The following NPAS3 variants were observed in gnomAD, a reference collection of about 807,000 sequenced individuals.
NPAS3 encodes the protein neuronal PAS domain-containing protein 3.
NPAS3 carries 14 observed loss-of-function variants against 73.1 expected under a neutral mutation model. The observed-to-expected ratio is 0.19, with a 90% CI of 0.13 to 0.30. NPAS3 has a LOEUF of 0.30. NPAS3 is among the 10% of genes least tolerant of loss of function. NPAS3 has a pLI of 1.00. For missense variants in NPAS3, 1,096 were observed against 1,250.0 expected, an observed-to-expected ratio of 0.88 and a Z score of 1.86; for synonymous variants, 620 against 541.5, an observed-to-expected ratio of 1.14 and a Z score of -2.01.
At chr14:33,669,906 G>T (rs531698562) in intron 5 of NPAS3, among the ~76,000 whole-genome samples, 12 of 151,934 alleles carry the variant, frequency 7.9e-5, no homozygotes, top group Non-Finnish European at 1.2e-4. Flanking sequence ...TTTTTTGGGG[G>T]TTTTTTGTTT....
At chr14:33,237,298 C>T (rs941814799) in intron 3 of NPAS3, among the ~76,000 whole-genome samples, 3 of 152,118 alleles carry the variant, frequency 2.0e-5, no homozygotes, top group African/African-American at 7.2e-5. Context: ...CTTTGTTAAA[C>T]AGCATTTCCT....
At chr14:33,037,880 A>T (rs1395902063) in intron 1 of NPAS3, among the ~76,000 whole-genome samples, 1 of 152,122 alleles carries the variant, frequency 6.6e-6, no homozygotes, top group East Asian at 1.9e-4. Context: ...AACTGATTGG[A>T]TTGATTACCC....
intron 3 of NPAS3, among the ~76,000 whole-genome samples, chr14:33,243,274 C>T (rs1348651030): frequency 6.6e-6 from 1 of 152,060 alleles, no homozygotes; most frequent in Non-Finnish European, 1.5e-5. Context: ...GAGAATAATG[C>T]AAACTGGGAT....
chr14:33,554,251 T>C (rs2055251509), intron 4 of NPAS3, among the ~76,000 whole-genome samples: 1 of 152,202 alleles, frequency 6.6e-6, no homozygotes, highest in Non-Finnish European at 1.5e-5. Context: ...TAATGTCTGA[T>C]ATGCATAGTG....
At position 33,586,209 on chromosome 14, in the gene NPAS3, A is replaced by C. The variant is rs149982107; in HGVS notation, c.558+25999A>C. Among the ~76,000 whole-genome samples the C allele has an allele frequency of 1.4e-3, 207 of 151,706 alleles. 4 individuals carry two copies. Among genetic ancestry groups the C allele is most frequent in the African/African-American group, 4.7e-3 (196 of 41,328 alleles). ...ATGTTCTATTTTAATAAAACCAAATAACAACAATCTTTACTTTCCAAGCAA... is the reference window on the plus strand; with the variant it reads ...ATGTTCTATTTTAATAAAACCAAATCACAACAATCTTTACTTTCCAAGCAA... On this transcript the variant is annotated intron_variant, in intron 5 of 11. Transcript: ENST00000356141.
chr14:33,691,944 CAA>C (rs1431387281), intron 6 of NPAS3, among the ~76,000 whole-genome samples: 1 of 152,166 alleles, frequency 6.6e-6, no homozygotes, highest in Non-Finnish European at 1.5e-5. Context: ...TGATAGGAAA[CAA>C]ATTCTATTCA....
intron 5 of NPAS3, among the ~76,000 whole-genome samples, chr14:33,646,209 A>G (rs549018639): frequency 1.5e-4 from 23 of 152,288 alleles, no homozygotes; most frequent in African/African-American, 5.5e-4. Flanking sequence ...GGAAGGAGGG[A>G]AGGGATGTGA....
In NPAS3 at chr14:33,713,450, C is replaced by T. The variant is rs558142308; in HGVS notation, c.734-21764C>T. 1.4e-4 allele frequency among the ~76,000 whole-genome samples: 22 copies of T among 152,338 alleles called. 1 individual carries two copies. The highest frequency in any genetic ancestry group is 1.4e-3 in the Admixed American group (22 of 15,310). On this transcript the variant is annotated intron_variant, in intron 6 of 11. Coordinates refer to ENST00000356141, the Ensembl canonical transcript of NPAS3. ...CTCCTTTTAAGTTTAAGCAAAACTT[C>T]TCCCAGAAGCCCCATCTGGCAGACT...
At chr14:33,291,312 T>A (rs975305766) in intron 3 of NPAS3, among the ~76,000 whole-genome samples, 2 of 152,112 alleles carry the variant, frequency 1.3e-5, no homozygotes, top group Non-Finnish European at 2.9e-5. Flanking sequence ...ACTTTCTATA[T>A]CATGTTTTTA....
chr14:33,269,901 C>G (rs2140005069), intron 3 of NPAS3, among the ~76,000 whole-genome samples: 1 of 152,284 alleles, frequency 6.6e-6, no homozygotes, highest in Non-Finnish European at 1.5e-5. Context: ...AAAGTGACAA[C>G]TACCTATACT....
intron 2 of NPAS3, among the ~76,000 whole-genome samples, chr14:33,127,629 A>C (rs1426638581): frequency 1.3e-5 from 2 of 152,124 alleles, no homozygotes; most frequent in African/African-American, 4.8e-5. Flanking sequence ...CTTGGGTCTT[A>C]CTGTCCTAGA....
Position 33,223,599 on chromosome 14 carries a change from T to A in NPAS3, c.385+8173T>A, listed in dbSNP as rs1472890055. 2.0e-5 allele frequency among the ~76,000 whole-genome samples: 3 copies of A among 152,174 alleles called. No homozygotes were observed. The East Asian group carries it at 5.8e-4, about 29-fold the overall frequency. ...GTCTGAATGATTACTTACTGTCTAA[T>A]CCAAAGTCCCAATTCCTCAGAAAGG... On this transcript the variant is annotated intron_variant, in intron 3 of 11. Coordinates refer to ENST00000356141, the Ensembl canonical transcript of NPAS3.
At chr14:33,544,793 T>C (rs1369717837) in intron 4 of NPAS3, among the ~76,000 whole-genome samples, 3 of 107,888 alleles carry the variant, frequency 2.8e-5, no homozygotes, top group African/African-American at 1.5e-4. Context: ...GTGTATTATA[T>C]ATATATATAT....
At chr14:33,502,994 T>A in intron 4 of NPAS3, among the ~76,000 whole-genome samples, 1 of 143,268 alleles carries the variant, frequency 7.0e-6, no homozygotes, top group Admixed American at 7.7e-5. Flanking sequence ...TATACTCTAC[T>A]CTCCTTGTTG....
chr14:33,123,488 G>C (rs1173798749), intron 2 of NPAS3, among the ~76,000 whole-genome samples: 2 of 152,134 alleles, frequency 1.3e-5, no homozygotes, highest in African/African-American at 2.4e-5. Context: ...TGATTAATAA[G>C]CATTGCTGAA....
At chr14:33,243,647 C>T (rs2048282739) in intron 3 of NPAS3, among the ~76,000 whole-genome samples, 1 of 152,020 alleles carries the variant, frequency 6.6e-6, no homozygotes, top group African/African-American at 2.4e-5. Context: ...TGCTGAAGGT[C>T]TGTTCCAGGG....
intron 9 of NPAS3, 46 bp downstream of exon 9, chr14:33,778,618 A>G (rs1357306073): frequency 7.8e-7 from 1 of 1,280,930 alleles, no homozygotes; most frequent in Admixed American, 1.7e-5. Flanking sequence ...GGTGTCAGCA[A>G]TCTCTGAGGC....
At chr14:33,352,617 C>A (rs1218284955) in intron 3 of NPAS3, among the ~76,000 whole-genome samples, 1 of 152,306 alleles carries the variant, frequency 6.6e-6, no homozygotes, top group Non-Finnish European at 1.5e-5. Flanking sequence ...TGACTCCCAA[C>A]AATTGTGCTT....
At chr14:33,091,294 A>G (rs1014924541) in intron 2 of NPAS3, among the ~76,000 whole-genome samples, 1 of 152,218 alleles carries the variant, frequency 6.6e-6, no homozygotes, top group African/African-American at 2.4e-5. Flanking sequence ...GCAATAAAAA[A>G]TGATAAAGGG....
Sources: allele counts gnomAD v4.1 joint callset (sites outside exome capture counted in the v4.1 genomes callset), GRCh38; gene constraint gnomAD v4.1.1; transcripts MANE v1.5; gene names NCBI Gene and HGNC (gene_info 2026-07-23, HGNC 2026-07-21).